CSMD1: variants seen among roughly 807,000 people sequenced by gnomAD.
CSMD1 encodes the protein CUB and Sushi multiple domains 1.
CSMD1 carries 213 observed loss-of-function variants against 417.5 expected under a neutral mutation model. The observed-to-expected ratio is 0.51, with a 90% CI of 0.46 to 0.57. The LOEUF (loss-of-function observed/expected upper bound fraction) is 0.57, where lower values mean the gene tolerates loss of function less well. Among genes scored for constraint, CSMD1 ranks in the 20% least tolerant of loss-of-function variants. CSMD1 has a pLI of 0.00. For missense variants in CSMD1, 6,923 were observed against 4,529.7 expected (o/e 1.53, Z -15.17); for synonymous variants, 2,862 against 1,736.8 (o/e 1.65, Z -16.11).
rs1463585033 is a variant in CSMD1 at position 4,804,220 on chromosome 8, G to A, written c.86-166662C>T. Among the ~76,000 whole-genome samples the A allele has an allele frequency of 3.3e-5, 5 of 152,052 alleles. No individual in the cohort carries two copies. In the East Asian group the frequency reaches 7.7e-4, roughly 23 times the overall value. On this transcript the variant is annotated intron_variant, in intron 1 of 69. Transcript: ENST00000635120. Reference sequence around the variant, plus strand: ...AGGAAATTTAAACCATATTTAACTAGATGAGTTAAAATACACCTTCTAAAG... The same window carrying A: ...AGGAAATTTAAACCATATTTAACTAAATGAGTTAAAATACACCTTCTAAAG...
At chr8:3,822,831 G>A (rs934971546) in intron 5 of CSMD1, among the ~76,000 whole-genome samples, 7 of 152,046 alleles carry the variant, frequency 4.6e-5, no homozygotes, top group Admixed American at 1.3e-4. Flanking sequence ...TTTTTTAGTA[G>A]GCACATAAAA....
At chr8:4,089,130 G>A (rs1055490139) in intron 3 of CSMD1, among the ~76,000 whole-genome samples, 4 of 152,152 alleles carry the variant, frequency 2.6e-5, no homozygotes, top group Non-Finnish European at 5.9e-5. Flanking sequence ...AGGGATTCCA[G>A]TGCTTAACAA....
intron 3 of CSMD1, among the ~76,000 whole-genome samples, chr8:4,320,107 C>T (rs915015313): frequency 6.6e-6 from 1 of 152,152 alleles, no homozygotes; most frequent in Non-Finnish European, 1.5e-5. Flanking sequence ...AAAAATCCAA[C>T]CCTTTGCAAG....
At chr8:3,447,508 G>C (rs1815375904) in intron 12 of CSMD1, among the ~76,000 whole-genome samples, 1 of 152,202 alleles carries the variant, frequency 6.6e-6, no homozygotes, top group African/African-American at 2.4e-5. Context: ...AGTGCAGGCA[G>C]TGTACTTTGT....
intron 52 of CSMD1, among the ~76,000 whole-genome samples, chr8:3,006,682 C>T (rs1389990906): frequency 9.9e-5 from 15 of 151,058 alleles, no homozygotes; most frequent in African/African-American, 3.2e-4. Flanking sequence ...AAAGGATTCC[C>T]TATTTAATAA....
At chr8:4,081,122 T>C (rs1361014863) in intron 3 of CSMD1, among the ~76,000 whole-genome samples, 1 of 152,136 alleles carries the variant, frequency 6.6e-6, no homozygotes, top group Non-Finnish European at 1.5e-5. Flanking sequence ...AGACACCAAA[T>C]CTGCTGAACT....
intron 5 of CSMD1, among the ~76,000 whole-genome samples, chr8:3,930,877 G>T (rs959610065): frequency 6.6e-6 from 1 of 150,568 alleles, no homozygotes; most frequent in African/African-American, 2.4e-5. Flanking sequence ...TTTTAGTCTA[G>T]TTTTAAAACC....
chr8:4,053,075 A>G (rs1441101722), intron 3 of CSMD1, among the ~76,000 whole-genome samples: 4 of 152,178 alleles, frequency 2.6e-5, no homozygotes, highest in Non-Finnish European at 4.4e-5. Flanking sequence ...GTGTGCTGAA[A>G]GGATGATTGG....
chr8:4,277,215 A>G (rs1796536711), intron 3 of CSMD1, among the ~76,000 whole-genome samples: 1 of 144,284 alleles, frequency 6.9e-6, no homozygotes, highest in South Asian at 2.4e-4. Context: ...ATATATATAT[A>G]TACACACAGA....
Position 4,166,080 on chromosome 8 carries a change from A to G in CSMD1, c.416-133981T>C, listed in dbSNP as rs151316505. ...ATAAGTGAATTCCCAATCTTGCATT[A>G]ATTACATTCTTAATGATGAGGTCAT... On this transcript the variant is annotated intron_variant, in intron 3 of 69. Transcript: ENST00000635120. Among the ~76,000 whole-genome samples the G allele has an allele frequency of 1.0e-3, 159 of 152,320 alleles. 1 individual carries two copies. The highest frequency in any genetic ancestry group is 3.7e-3 in the African/African-American group (153 of 41,580).
At chr8:4,748,265 A>G (rs12156337) in intron 1 of CSMD1, among the ~76,000 whole-genome samples, 47,263 of 152,190 alleles carry the variant, frequency 0.31, 8,276 homozygotes, top group Admixed American at 0.45. Context: ...CAATCTTTAG[A>G]AAGCACACAA....
At chr8:4,340,723 G>T (rs991120436) in intron 3 of CSMD1, among the ~76,000 whole-genome samples, 139 of 151,954 alleles carry the variant, frequency 9.1e-4, no homozygotes, top group African/African-American at 3.3e-3. Context: ...TCAGCACGTG[G>T]AACAAACTGA....
At chr8:3,939,197 C>G (rs1335392444) in intron 5 of CSMD1, among the ~76,000 whole-genome samples, 1 of 151,798 alleles carries the variant, frequency 6.6e-6, no homozygotes, top group Non-Finnish European at 1.5e-5. Flanking sequence ...TAAGAGAACC[C>G]AACACAAAAG....
intron 1 of CSMD1, among the ~76,000 whole-genome samples, chr8:4,805,493 C>T (rs1487985509): frequency 1.3e-5 from 2 of 152,096 alleles, no homozygotes; most frequent in Non-Finnish European, 2.9e-5. Context: ...GAGTGAAACG[C>T]CACCACTCTG....
intron 3 of CSMD1, among the ~76,000 whole-genome samples, chr8:4,177,562 C>G (rs549678812): frequency 2.1e-4 from 32 of 151,566 alleles, no homozygotes; most frequent in Non-Finnish European, 3.8e-4. Context: ...TAGCAGAAGG[C>G]AAGAAATAAC....
At chr8:4,628,168 G>A (rs537773695) in intron 2 of CSMD1, among the ~76,000 whole-genome samples, 3 of 151,286 alleles carry the variant, frequency 2.0e-5, no homozygotes, top group East Asian at 2.0e-4. Context: ...TCAACTGAAT[G>A]ATTTTTAAAA....
intron 30 of CSMD1, among the ~76,000 whole-genome samples, chr8:3,213,046 C>T (rs972036130): frequency 2.6e-5 from 4 of 151,898 alleles, no homozygotes; most frequent in African/African-American, 7.3e-5. Flanking sequence ...GCCATGGTCT[C>T]GAACTCCTGA....
intron 23 of CSMD1, among the ~76,000 whole-genome samples, chr8:3,342,000 G>C (rs912227864): frequency 1.3e-5 from 2 of 152,146 alleles, no homozygotes; most frequent in Non-Finnish European, 2.9e-5. Context: ...TTCTGAGAGG[G>C]AAATCCTGGA....
chr8:4,122,961 G>C (rs1460527808), intron 3 of CSMD1, among the ~76,000 whole-genome samples: 1 of 152,216 alleles, frequency 6.6e-6, no homozygotes, highest in Non-Finnish European at 1.5e-5. Context: ...CAGCACTGTG[G>C]CTAGACCTAC....
Sources: allele counts gnomAD v4.1 joint callset (sites outside exome capture counted in the v4.1 genomes callset), GRCh38; gene constraint gnomAD v4.1.1; transcripts MANE v1.5; gene names NCBI Gene and HGNC (gene_info 2026-07-23, HGNC 2026-07-21).